The following BAZ2B variants were observed in gnomAD, a reference collection of about 807,000 sequenced individuals.
BAZ2B encodes bromodomain adjacent to zinc finger domain protein 2B.
A neutral mutation model predicts 246.0 loss-of-function variants in BAZ2B; 91 were observed. That is an observed-to-expected ratio of 0.37 (90% CI 0.31 to 0.44). BAZ2B has a LOEUF of 0.44. BAZ2B is among the 20% of genes least tolerant of loss of function. The pLI is 1.00. For synonymous variants in BAZ2B, 855 were observed against 860.0 expected, an observed-to-expected ratio of 0.99 and a Z score of 0.10; for missense variants, 2,332 against 2,533.7, an observed-to-expected ratio of 0.92 and a Z score of 1.71.
chr2:159,372,396 C>T (rs2060947459), intron 27 of BAZ2B, among the ~76,000 whole-genome samples: 1 of 152,182 alleles, frequency 6.6e-6, no homozygotes, highest in South Asian at 2.1e-4. Context: ...CAGAATTTGG[C>T]ATTTGAAAAT....
intron 1 of BAZ2B, among the ~76,000 whole-genome samples, chr2:159,602,600 T>A (rs1382897921): frequency 6.6e-6 from 1 of 152,196 alleles, no homozygotes; most frequent in African/African-American, 2.4e-5. Flanking sequence ...CTCAACTTTG[T>A]TCAATAGCAT....
At chr2:159,387,771 T>C (rs1338905512) in intron 21 of BAZ2B, among the ~76,000 whole-genome samples, 1 of 151,996 alleles carries the variant, frequency 6.6e-6, no homozygotes, top group Non-Finnish European at 1.5e-5. Context: ...TAAATGAAAA[T>C]AAAAGATACA....
intron 27 of BAZ2B, among the ~76,000 whole-genome samples, chr2:159,370,378 C>CTTTTTTTTTTTT (rs55760591): frequency 1.1e-5 from 1 of 92,258 alleles, no homozygotes; most frequent in Non-Finnish European, 2.2e-5. Context: ...ACTGTACTAC[C>CTTTTTTTTTTTT]TTTTTTTTTT....
intron 25 of BAZ2B, among the ~76,000 whole-genome samples, chr2:159,381,379 TACTC>T (rs2149492771): frequency 6.6e-6 from 1 of 152,206 alleles, no homozygotes; most frequent in South Asian, 2.1e-4. Flanking sequence ...ATTATCTACT[TACTC>T]TGTTCCTGAT....
At chr2:159,695,459 T>C in the BAZ2B span, 2 of 152,152 alleles carry the variant, frequency 1.3e-5, no homozygotes, top group African/African-American at 2.4e-5. Flanking sequence ...AGGTCAAGAA[T>C]ACTTACATGT....
chr2:159,510,071 T>G (rs965773850), intron 2 of BAZ2B, among the ~76,000 whole-genome samples: 1 of 152,170 alleles, frequency 6.6e-6, no homozygotes, highest in African/African-American at 2.4e-5. Flanking sequence ...TATTGTATGA[T>G]TCCACTTATG....
chr2:159,492,969 A>C (rs2080666564), intron 2 of BAZ2B, among the ~76,000 whole-genome samples: 1 of 152,216 alleles, frequency 6.6e-6, no homozygotes, highest in African/African-American at 2.4e-5. Flanking sequence ...TAACATAATA[A>C]TACAATTACT....
chr2:159,656,813 T>A, the BAZ2B span, among the ~76,000 whole-genome samples: 1 of 152,166 alleles, frequency 6.6e-6, no homozygotes, highest in Non-Finnish European at 1.5e-5. Flanking sequence ...TATGTTTAGA[T>A]CCTTTGCTCA....
the BAZ2B span, among the ~76,000 whole-genome samples, chr2:159,677,033 A>G: frequency 6.8e-6 from 1 of 147,436 alleles, no homozygotes; most frequent in East Asian, 2.0e-4. Context: ...TTAAAATAAA[A>G]TTGTCAGCCC....
chr2:159,434,249 C>T (rs2071743769), intron 8 of BAZ2B: 2 of 151,366 alleles, frequency 1.3e-5, no homozygotes, highest in South Asian at 4.2e-4. Flanking sequence ...CAACCTCTGC[C>T]TCCTGGGTTC....
chr2:159,500,889 G>A (rs940195302), intron 2 of BAZ2B, among the ~76,000 whole-genome samples: 7 of 151,146 alleles, frequency 4.6e-5, no homozygotes, highest in Non-Finnish European at 7.4e-5. Flanking sequence ...AGGAGGCAGA[G>A]GTTGCAGTGA....
chr2:159,582,824 G>A (rs765031465), intron 1 of BAZ2B, among the ~76,000 whole-genome samples: 5 of 152,080 alleles, frequency 3.3e-5, no homozygotes, highest in Admixed American at 6.5e-5. Context: ...TCACTGAAGC[G>A]TTACCTATAA....
intron 25 of BAZ2B, among the ~76,000 whole-genome samples, chr2:159,380,737 C>T (rs1238524310): frequency 6.6e-6 from 1 of 152,078 alleles, no homozygotes; most frequent in South Asian, 2.1e-4. Context: ...CAGGTACCAG[C>T]CCCCAGTAAA....
the BAZ2B span, among the ~76,000 whole-genome samples, chr2:159,645,732 G>T: frequency 4.9e-4 from 74 of 152,068 alleles, no homozygotes; most frequent in Non-Finnish European, 9.4e-4. Flanking sequence ...ACAAAAGAGA[G>T]AAATTTTAAA....
chr2:159,663,181 T>A, the BAZ2B span, among the ~76,000 whole-genome samples: 24 of 151,792 alleles, frequency 1.6e-4, 1 homozygote, highest in Non-Finnish European at 2.5e-4. Context: ...CTAATTTTCT[T>A]TTGTTGTTGT....
intron 2 of BAZ2B, among the ~76,000 whole-genome samples, chr2:159,518,070 T>C (rs1183414376): frequency 6.6e-6 from 1 of 152,180 alleles, no homozygotes; most frequent in Non-Finnish European, 1.5e-5. Flanking sequence ...ATGTAATTCA[T>C]ACACCAAAAC....
At chr2:159,541,690 C>T (rs2086682183) in intron 2 of BAZ2B, among the ~76,000 whole-genome samples, 1 of 152,190 alleles carries the variant, frequency 6.6e-6, no homozygotes, top group African/African-American at 2.4e-5. Flanking sequence ...TCCAGTCATA[C>T]TGGCTTTTAG....
At chr2:159,464,876 A>C (rs2076856019) in intron 3 of BAZ2B, 1 of 152,240 alleles carries the variant, frequency 6.6e-6, no homozygotes, top group African/African-American at 2.4e-5. Context: ...GAAAAAACTA[A>C]AAGTAATATA....
At chr2:159,707,154 TTTAAA>T in the BAZ2B span, among the ~76,000 whole-genome samples, 1 of 152,164 alleles carries the variant, frequency 6.6e-6, no homozygotes, top group Non-Finnish European at 1.5e-5. Flanking sequence ...AAATTACATA[TTTAAA>T]TTAAATATAT....
Sources: allele counts gnomAD v4.1 joint callset (sites outside exome capture counted in the v4.1 genomes callset), GRCh38; gene constraint gnomAD v4.1.1; transcripts MANE v1.5; gene names NCBI Gene and HGNC (gene_info 2026-07-23, HGNC 2026-07-21).